Variants in RNF32 observed in about 807,000 individuals in gnomAD.
The protein encoded by RNF32 is ring finger protein 32.
In RNF32, 36 loss-of-function variants were observed where a neutral mutation model predicts 41.0. The ratio of observed to expected loss-of-function variants is 0.88; its 90% CI spans 0.67 to 1.16. RNF32 has a LOEUF of 1.16. Ranked by LOEUF, RNF32 falls within the 50% of genes most tolerant of loss-of-function variation. RNF32 has a pLI of 0.00. For missense variants in RNF32, 413 were observed against 436.7 expected (o/e 0.95, Z 0.48); for synonymous variants, 154 against 160.9 (o/e 0.96, Z 0.32).
At chr7:156,640,428 C>G (rs567010542), upstream of RNF32, 3 of 399,224 alleles carry the variant, frequency 7.5e-6, no homozygotes, top group Non-Finnish European at 1.5e-5. Flanking sequence ...CCTCACTACA[C>G]GAGGCCTGGG....
At chr7:156,646,639 A>C in intron 3 of RNF32, 1 of 520,806 alleles carries the variant, frequency 1.9e-6, no homozygotes, top group Non-Finnish European at 3.1e-6. Context: ...TTCCATTTAG[A>C]TTAGGCATCA....
intron 7 of RNF32, among the ~76,000 whole-genome samples, chr7:156,668,317 A>G (rs1191792354): frequency 6.6e-6 from 1 of 152,200 alleles, no homozygotes; most frequent in African/African-American, 2.4e-5. Context: ...AGTCAAGGAA[A>G]CAGAAAAATC....
At position 156,641,602 on chromosome 7, in the gene RNF32, C is replaced by T. The variant is rs1021838530; in HGVS notation, c.-78+791C>T. Among the ~76,000 whole-genome samples the T allele has an allele frequency of 2.0e-5, 3 of 152,016 alleles. No homozygotes were observed. In the East Asian group the frequency reaches 5.8e-4, roughly 29 times the overall value. ...TTTAAACTCTAAAACTTAATGATAC[C>T]GTAGGACTTTAAGAGAGTATAGGTT... On this transcript the variant is annotated intron_variant, in intron 1 of 8. Coordinates refer to ENST00000317955, the MANE Select transcript of RNF32 (RefSeq NM_030936.4).
At chr7:156,647,167 T>TTTTG (rs200764720) in intron 3 of RNF32, among the ~76,000 whole-genome samples, 2,793 of 152,164 alleles carry the variant, frequency 0.018, 88 homozygotes, top group African/African-American at 0.065. Context: ...TTTTTTAATT[T>TTTTG]TTTGTTTGTT....
At chr7:156,676,355 T>G in intron 8 of RNF32, 64 bp from the exon 9 acceptor site, 1 of 1,613,634 alleles carries the variant, frequency 6.2e-7, no homozygotes, top group Non-Finnish European at 8.5e-7. Flanking sequence ...GCATTTCAGT[T>G]TAAGTAACTT....
At chr7:156,659,720 C>T (rs1294400218) in intron 7 of RNF32, 9 of 754,984 alleles carry the variant, frequency 1.2e-5, no homozygotes, top group South Asian at 6.0e-5. Flanking sequence ...TTGAACTGGA[C>T]GAGAACTGGC....
At chr7:156,646,449 A>C (rs770108860) in intron 3 of RNF32, 8 of 1,303,492 alleles carry the variant, frequency 6.1e-6, no homozygotes, top group Non-Finnish European at 7.1e-6. Context: ...TCCTCTTCTT[A>C]TAAGGATACC....
intron 5 of RNF32, 66 bp downstream of exon 5, chr7:156,657,639 A>G: frequency 6.6e-7 from 1 of 1,503,884 alleles, no homozygotes; most frequent in Non-Finnish European, 9.3e-7. Flanking sequence ...GAGAAACCAT[A>G]GTCATTTTCA....
chr7:156,669,385 G>C lies in RNF32; in HGVS notation c.685-6311G>C, dbSNP rs1801954227. ...AGAGGAAGGGGAGAGAGAGTGAAGT[G>C]AGGGGTGAGATGTTTGAAATAAGGT... On this transcript the variant is annotated intron_variant, in intron 7 of 8. Transcript: ENST00000317955. The surrounding 1 kb of genome is among the most constrained non-coding windows in gnomAD (Gnocchi z 4.2). 1 of 152,290 alleles carries C rather than the reference G, an allele frequency of 6.6e-6. No individual in the cohort carries two copies. Among genetic ancestry groups the C allele is most frequent in the Non-Finnish European group, 1.5e-5 (1 of 68,068 alleles). The allele number at this position is 152,290 out of a possible 1,614,324, so 9.4% of individuals were successfully genotyped here. A position where few individuals can be genotyped will look rare whatever the true frequency, so the allele number is the denominator to read the frequency against.
In RNF32 at chr7:156,664,484, A is replaced by T. The variant is rs116087587; in HGVS notation, c.684+5914A>T. Among the ~76,000 whole-genome samples, 1,227 of 152,244 alleles carry T rather than the reference A, an allele frequency of 8.1e-3. 18 individuals carry two copies. The highest frequency in any genetic ancestry group is 0.028 in the African/African-American group (1,171 of 41,536). On this transcript the variant is annotated intron_variant, in intron 7 of 8. Transcript: ENST00000317955. The stretch of plus-strand genomic sequence containing the variant: ...CCAAAAAAAAAAGAAAGAAAAAGAA[A>T]AACACTGCAAGAGCACACTAGGTGG...
intron 6 of RNF32, 81 bp from the exon 7 acceptor site, chr7:156,658,381 A>C: frequency 6.6e-7 from 1 of 1,518,604 alleles, no homozygotes; most frequent in Non-Finnish European, 9.1e-7. Flanking sequence ...CTTGTACAGC[A>C]CAGGGCTTAT....
chr7:156,653,596 T>C (rs1563076172), intron 3 of RNF32, among the ~76,000 whole-genome samples: 1 of 152,358 alleles, frequency 6.6e-6, no homozygotes, highest in East Asian at 1.9e-4. Flanking sequence ...GATATCCTTG[T>C]AAGTCGATGC....
In RNF32 at chr7:156,675,896, A is replaced by G. The variant is rs768198078; in HGVS notation, c.852+33A>G. On this transcript the variant is annotated intron_variant, in intron 8 of 8. Coordinates refer to ENST00000317955, the MANE Select transcript of RNF32 (RefSeq NM_030936.4). Reference sequence around the variant, plus strand: ...TGGCTGGCAGCCTGGCAACCAGCAGACTCAGCTGCAGCTGCAGAGGCTGTG... The same window carrying G: ...TGGCTGGCAGCCTGGCAACCAGCAGGCTCAGCTGCAGCTGCAGAGGCTGTG... 18 of 1,600,110 alleles carry G rather than the reference A, an allele frequency of 1.1e-5. No homozygotes were observed. The South Asian group carries it at 1.9e-4, about 17-fold the overall frequency.
Position 156,675,546 on chromosome 7 carries a change from A to T in RNF32, c.685-150A>T, listed in dbSNP as rs541913940. On this transcript the variant is annotated intron_variant, in intron 7 of 8. Transcript: ENST00000317955. ...AGATTATCTGGATTTATAGTTAAGT[A>T]AAATAGACATATATCTATTTCCCTA... 1.6e-4 allele frequency: 99 copies of T among 630,236 alleles called. 2 individuals are homozygous for T. The South Asian group carries it at 2.0e-3, about 13-fold the overall frequency. 39.0% of individuals were successfully genotyped at this position (630,236 alleles called of 1,614,324 possible).
intron 5 of RNF32, 180 bp downstream of exon 5, chr7:156,657,753 A>T: frequency 1.5e-6 from 1 of 656,244 alleles, no homozygotes; most frequent in East Asian, 2.6e-5. Context: ...GAAAATCATG[A>T]GTTTTGTGAC....
intron 2 of RNF32, 21 bp from the exon 3 acceptor site, chr7:156,644,478 G>A: frequency 3.2e-6 from 5 of 1,584,490 alleles, no homozygotes; most frequent in African/African-American, 2.7e-5. Flanking sequence ...CTCTAAATAT[G>A]ACTTTTTTCC....
At chr7:156,645,326 CG>C (rs1283933784) in intron 3 of RNF32, among the ~76,000 whole-genome samples, 2 of 152,166 alleles carry the variant, frequency 1.3e-5, no homozygotes, top group Non-Finnish European at 2.9e-5. Context: ...CAGTAACGCA[CG>C]GGCCAGCATC....
In RNF32 at chr7:156,670,032, GT is replaced by G. The variant is rs927655900; in HGVS notation, c.685-5656del. Among the ~76,000 whole-genome samples the G allele has an allele frequency of 4.6e-5, 7 of 152,048 alleles. No individual in the cohort carries two copies. The highest frequency in any genetic ancestry group is 1.9e-4 in the East Asian group (1 of 5,198). Reference sequence around the variant, plus strand: ...GGCCTCTCTCTCCAGTGGTCATGTAGTTTTTTTTATTTGCTGTTTATTTAAT... The same window carrying G: ...GGCCTCTCTCTCCAGTGGTCATGTAGTTTTTTTATTTGCTGTTTATTTAAT... On this transcript the variant is annotated intron_variant, in intron 7 of 8. Coordinates refer to ENST00000317955, the MANE Select transcript of RNF32 (RefSeq NM_030936.4). This position sits in a 1 kb window ranked among gnomAD's most constrained non-coding sequence, Gnocchi z 4.3.
chr7:156,670,190 G>A lies in RNF32; in HGVS notation c.685-5506G>A, dbSNP rs968924507. 8.5e-5 allele frequency among the ~76,000 whole-genome samples: 13 copies of A among 152,162 alleles called. No homozygotes were observed. The highest frequency in any genetic ancestry group is 8.3e-4 in the South Asian group (4 of 4,818). On this transcript the variant is annotated intron_variant, in intron 7 of 8. Coordinates refer to ENST00000317955, the MANE Select transcript of RNF32 (RefSeq NM_030936.4). This position sits in a 1 kb window ranked among gnomAD's most constrained non-coding sequence, Gnocchi z 4.3. ...TGGAATCACCAAAAGCACACAATTC[G>A]TATTTCCCACCCACTAGGGCACACA... is the stretch of plus-strand genomic sequence containing the variant.
Sources: allele counts gnomAD v4.1 joint callset (sites outside exome capture counted in the v4.1 genomes callset), GRCh38; gene constraint gnomAD v4.1.1; non-coding constraint Gnocchi (gnomAD v3.1); transcripts MANE v1.5; gene names NCBI Gene and HGNC (gene_info 2026-07-23, HGNC 2026-07-21).